SLC3A2: variants seen among roughly 807,000 people sequenced by gnomAD.
SLC3A2 encodes the protein amino acid transporter heavy chain SLC3A2.
In SLC3A2, 32 loss-of-function variants were observed where a neutral mutation model predicts 48.5. That is an observed-to-expected ratio of 0.66 (90% CI 0.50 to 0.89). The LOEUF is 0.89. Ranked by LOEUF, SLC3A2 falls within the 40% of genes least tolerant of loss-of-function variation. The probability of loss-of-function intolerance (pLI) is 0.00; values close to 1 mark genes in which losing one functional copy is unlikely to be tolerated. For synonymous variants in SLC3A2, 277 were observed against 288.8 expected, an observed-to-expected ratio of 0.96 and a Z score of 0.41; for missense variants, 587 against 680.7, an observed-to-expected ratio of 0.86 and a Z score of 1.53.
intron 3 of SLC3A2, chr11:62,883,317 TC>T (rs1438462850): frequency 3.1e-6 from 1 of 326,052 alleles, no homozygotes; most frequent in Admixed American, 4.3e-5. Flanking sequence ...TCTGTGAGAA[TC>T]CTGTCCTGAC....
chr11:62,857,673 A>T (rs534332866), intron 1 of SLC3A2, among the ~76,000 whole-genome samples: 7 of 124,372 alleles, frequency 5.6e-5, no homozygotes, highest in African/African-American at 2.0e-4. Flanking sequence ...TCCAGCCTGG[A>T]TGACTGAGAT....
chr11:62,887,593 C>T (rs537058419), intron 7 of SLC3A2, among the ~76,000 whole-genome samples: 1 of 151,652 alleles, frequency 6.6e-6, no homozygotes, highest in Non-Finnish European at 1.5e-5. Context: ...TGGTCAGCTA[C>T]TGGGGAGGCT....
chr11:62,885,205 G>T lies in SLC3A2; in HGVS notation c.847G>T (p.Asp283Tyr). 1 of 1,614,060 alleles carries T rather than the reference G, an allele frequency of 6.2e-7. No individual in the cohort carries two copies. The highest frequency in any genetic ancestry group is 8.5e-7 in the Non-Finnish European group (1 of 1,180,030). ...CTTGATTGCGGGGACTAACTCCTCCGACCTTCAGCAGATCCTGAGCCTACT... is the reference window on the plus strand; with the variant it reads ...CTTGATTGCGGGGACTAACTCCTCCTACCTTCAGCAGATCCTGAGCCTACT... ...RLLIAGTNSS[D>Y]LQQILSLLES... Residue 283 changes from aspartate (D) to tyrosine (Y), a missense_variant, in exon 6 of 9, where the codon GAC becomes TAC. Transcript: ENST00000338663.
chr11:62,886,289 CA>C (rs201054211), intron 7 of SLC3A2: 60 of 132,616 alleles, frequency 4.5e-4, no homozygotes, highest in Admixed American at 4.6e-4. Context: ...ACTCCTTCTC[CA>C]AAAAAAAAAA....
At chr11:62,856,592 A>T (rs1432119746) in intron 1 of SLC3A2, among the ~76,000 whole-genome samples, 2 of 152,204 alleles carry the variant, frequency 1.3e-5, no homozygotes, top group Non-Finnish European at 2.9e-5. Context: ...TTTTAAGCAC[A>T]CTATATGAAT....
intron 1 of SLC3A2, among the ~76,000 whole-genome samples, chr11:62,864,682 G>A (rs990217244): frequency 6.6e-6 from 1 of 151,700 alleles, no homozygotes; most frequent in African/African-American, 2.4e-5. Context: ...TAGCCAGGAT[G>A]GTGTCGACCT....
At chr11:62,887,992 C>T (rs2135022826) in intron 7 of SLC3A2, 143 bp from the exon 8 acceptor site, 1 of 673,654 alleles carries the variant, frequency 1.5e-6, no homozygotes, top group Admixed American at 2.6e-5. Context: ...GATGAGGGCT[C>T]ATTATGTTGC....
upstream of SLC3A2, chr11:62,880,884 C>T (rs1354883036): frequency 4.2e-6 from 6 of 1,426,816 alleles, no homozygotes; most frequent in Non-Finnish European, 5.5e-6. Flanking sequence ...GAGGCCGCGC[C>T]TGCTGCTGAG....
chr11:62,884,800 ATTCT>A (rs1454634029), intron 5 of SLC3A2, 110 bp downstream of exon 5: 2 of 169,844 alleles, frequency 1.2e-5, no homozygotes, highest in African/African-American at 8.3e-5. Flanking sequence ...CTTTACCTTT[ATTCT>A]TTCTTTAGCT....
chr11:62,870,628 G>A (rs2085501268), intron 1 of SLC3A2: 1 of 151,796 alleles, frequency 6.6e-6, no homozygotes, highest in Non-Finnish European at 1.5e-5. Context: ...GTATGCATGA[G>A]TTATTTTTAG....
intron 1 of SLC3A2, among the ~76,000 whole-genome samples, chr11:62,870,098 CTT>C (rs1456822225): frequency 6.6e-6 from 1 of 150,754 alleles, no homozygotes; most frequent in East Asian, 2.0e-4. Flanking sequence ...CACCTGGCCT[CTT>C]TTGTTTCTTC....
chr11:62,856,282 C>G, exon 1 of SLC3A2: 1 of 1,611,448 alleles, frequency 6.2e-7, no homozygotes, highest in South Asian at 1.1e-5. Context: ...GGAGCTACAG[C>G]CTCCTGAAGC....
chr11:62,861,346 C>T (rs1268762888), intron 1 of SLC3A2, among the ~76,000 whole-genome samples: 2 of 152,162 alleles, frequency 1.3e-5, no homozygotes, highest in Admixed American at 6.5e-5. Context: ...CTCTTGGTCA[C>T]TGTAACCTCA....
chr11:62,862,493 A>G (rs1414034405), intron 1 of SLC3A2, among the ~76,000 whole-genome samples: 2 of 151,986 alleles, frequency 1.3e-5, no homozygotes, highest in East Asian at 3.8e-4. Flanking sequence ...CCATCTCTAC[A>G]GGAAAAAAGC....
intron 1 of SLC3A2, among the ~76,000 whole-genome samples, chr11:62,866,413 G>A (rs561568319): frequency 6.1e-5 from 9 of 146,842 alleles, no homozygotes; most frequent in African/African-American, 1.5e-4. Context: ...TTTGGCAGGT[G>A]GGGGGGTGGT....
chr11:62,888,535 C>CA lies in SLC3A2; in HGVS notation c.1433dup (p.Ala479GlyfsTer15). 1 of 1,614,182 alleles carries CA rather than the reference C, an allele frequency of 6.2e-7. No individual in the cohort carries two copies. Among genetic ancestry groups the CA allele is most frequent in the Non-Finnish European group, 8.5e-7 (1 of 1,180,034 alleles). On this transcript the variant is annotated frameshift_variant, in exon 9 of 9. Transcript: ENST00000338663. LOFTEE classifies it low-confidence loss of function (END_TRUNC). ...GGATGTGGGCCTCTCGGCTGGACTG[C>CA]AGGCCTCCGACCTGCCTGCCAGCGC...
upstream of SLC3A2, among the ~76,000 whole-genome samples, chr11:62,878,420 G>A (rs373201115): frequency 1.4e-4 from 21 of 151,948 alleles, no homozygotes; most frequent in South Asian, 3.9e-3. Flanking sequence ...TCCCTTGAGT[G>A]TTGGCATCTC....
upstream of SLC3A2, among the ~76,000 whole-genome samples, chr11:62,879,625 C>G (rs2085607903): frequency 6.6e-6 from 1 of 152,198 alleles, no homozygotes; most frequent in Non-Finnish European, 1.5e-5. Context: ...AGAGGGTGAC[C>G]CTTTTCTCTA....
chr11:62,880,728 G>GTT, upstream of SLC3A2: 1 of 404,820 alleles, frequency 2.5e-6, no homozygotes, highest in Non-Finnish European at 4.4e-6. Context: ...GGTTAGACAG[G>GTT]TTGGAGATGA....
Sources: allele counts gnomAD v4.1 joint callset (sites outside exome capture counted in the v4.1 genomes callset), GRCh38; gene constraint gnomAD v4.1.1; transcripts MANE v1.5; gene names NCBI Gene and HGNC (gene_info 2026-07-23, HGNC 2026-07-21).